TENM2: variants seen among roughly 807,000 people sequenced by gnomAD.
The protein encoded by TENM2 is teneurin transmembrane protein 2.
In TENM2, 52 loss-of-function variants were observed where a neutral mutation model predicts 245.2. The ratio of observed to expected loss-of-function variants is 0.21; its 90% CI spans 0.17 to 0.27. TENM2 has a LOEUF of 0.27. TENM2 is among the 10% of genes least tolerant of loss of function. TENM2 has a pLI of 1.00. For synonymous variants in TENM2, 1,363 were observed against 1,438.9 expected (o/e 0.95, Z 1.19); for missense variants, 3,046 against 3,666.8 (o/e 0.83, Z 4.37).
the TENM2 span, among the ~76,000 whole-genome samples, chr5:167,116,071 A>T: frequency 1.3e-5 from 2 of 152,218 alleles, no homozygotes; most frequent in South Asian, 4.1e-4. Flanking sequence ...TCTGCCTGGG[A>T]CAGAAAAGCC....
chr5:167,270,750 C>T, the TENM2 span, among the ~76,000 whole-genome samples: 16 of 152,076 alleles, frequency 1.1e-4, no homozygotes, highest in African/African-American at 2.7e-4. Context: ...CTAAGACTGC[C>T]GTTTTCTCTG....
At chr5:167,510,971 G>A (rs1227727611) in intron 2 of TENM2, among the ~76,000 whole-genome samples, 1 of 151,906 alleles carries the variant, frequency 6.6e-6, no homozygotes, top group Admixed American at 6.6e-5. Flanking sequence ...GAGAGAAATG[G>A]ATTTGGGGAA....
At chr5:167,623,924 A>T (rs1778339615) in intron 2 of TENM2, among the ~76,000 whole-genome samples, 1 of 152,176 alleles carries the variant, frequency 6.6e-6, no homozygotes, top group South Asian at 2.1e-4. Context: ...AAAATACCAG[A>T]TGATGATGGG....
At chr5:167,387,165 G>A (rs1761482466) in intron 2 of TENM2, among the ~76,000 whole-genome samples, 1 of 152,094 alleles carries the variant, frequency 6.6e-6, no homozygotes, top group Admixed American at 6.6e-5. Context: ...ATTTGTTTGT[G>A]TCGCCTATGA....
chr5:168,218,599 G>T lies in TENM2; in HGVS notation c.4708G>T (p.Val1570Phe). The stretch of plus-strand genomic sequence containing the variant: ...CCTTGGAAATATTCGGATCAGGGCG[G>T]TCAGCAAGAACAAGCCTGTTCTTAA... Residue 1570 changes from valine to phenylalanine, a missense_variant, in exon 23 of 29, where the codon GTC becomes TTC. Val to Phe is a conservative substitution (Grantham distance 50). Coordinates refer to ENST00000518659, the Ensembl canonical transcript of TENM2. The surrounding 1 kb of genome is among the most constrained non-coding windows in gnomAD (Gnocchi z 5.2). The T allele has an allele frequency of 6.2e-7, 1 of 1,613,998 alleles. No homozygotes were observed. Among genetic ancestry groups the T allele is most frequent in the South Asian group, 1.1e-5 (1 of 91,066 alleles).
At chr5:167,190,648 G>A in the TENM2 span, among the ~76,000 whole-genome samples, 326 of 152,106 alleles carry the variant, frequency 2.1e-3, 1 homozygote, top group Admixed American at 6.6e-3. Flanking sequence ...AGAAGAGAGA[G>A]CCAAGGAGCC....
intron 13 of TENM2, among the ~76,000 whole-genome samples, chr5:168,165,637 TCCCCCCCCCAA>T (rs1357737835): frequency 0.02 from 448 of 22,542 alleles, 19 homozygotes; most frequent in Admixed American, 0.046. Context: ...CAATTCAGGA[TCCCCCCCCCAA>T]CCCCCCCCCC....
intron 2 of TENM2, among the ~76,000 whole-genome samples, chr5:167,477,427 T>C (rs1301986871): frequency 6.0e-5 from 5 of 82,956 alleles, no homozygotes; most frequent in Admixed American, 5.7e-4. Context: ...CTCCAGGCCC[T>C]GTTGGCGGGT....
intron 7 of TENM2, among the ~76,000 whole-genome samples, chr5:168,067,689 G>T (rs1790630355): frequency 6.6e-6 from 1 of 152,102 alleles, no homozygotes; most frequent in Admixed American, 6.6e-5. Context: ...GTGTTCCTGG[G>T]ATGCTGGGGT....
At chr5:168,079,358 C>A (rs941796242) in intron 7 of TENM2, among the ~76,000 whole-genome samples, 5 of 152,258 alleles carry the variant, frequency 3.3e-5, no homozygotes, top group Non-Finnish European at 5.9e-5. Context: ...TCTAAATATA[C>A]AATCATGTCA....
At chr5:167,604,549 A>G (rs1273296612) in intron 2 of TENM2, among the ~76,000 whole-genome samples, 1 of 152,166 alleles carries the variant, frequency 6.6e-6, no homozygotes, top group African/African-American at 2.4e-5. Context: ...TTGTCTATAA[A>G]TAATTTCTTA....
chr5:167,909,815 A>T (rs1343937858), intron 3 of TENM2, among the ~76,000 whole-genome samples: 1 of 152,170 alleles, frequency 6.6e-6, no homozygotes, highest in Non-Finnish European at 1.5e-5. Context: ...GACTTATCTC[A>T]TGGATAAAAC....
chr5:167,139,686 A>G, the TENM2 span, among the ~76,000 whole-genome samples: 1 of 152,252 alleles, frequency 6.6e-6, no homozygotes, highest in Non-Finnish European at 1.5e-5. Flanking sequence ...ACAATGCTCT[A>G]TGCAATTCAT....
intron 2 of TENM2, among the ~76,000 whole-genome samples, chr5:167,445,344 G>GAA (rs1765127479): frequency 2.6e-5 from 3 of 117,188 alleles, no homozygotes; most frequent in Admixed American, 1.8e-4. Flanking sequence ...TATAGAGAGA[G>GAA]AGAGAGAGAG....
chr5:167,450,104 A>G (rs1765484980), intron 2 of TENM2, among the ~76,000 whole-genome samples: 1 of 152,186 alleles, frequency 6.6e-6, no homozygotes, highest in South Asian at 2.1e-4. Flanking sequence ...ATATCTTTAT[A>G]TTCTTTCCCC....
At chr5:167,420,963 G>A (rs543855607) in intron 2 of TENM2, among the ~76,000 whole-genome samples, 11 of 152,278 alleles carry the variant, frequency 7.2e-5, no homozygotes, top group East Asian at 1.9e-4. Flanking sequence ...TAGTAAAAAC[G>A]TGGACACATA....
At chr5:167,510,597 A>G (rs114553833) in intron 2 of TENM2, among the ~76,000 whole-genome samples, 1,819 of 152,124 alleles carry the variant, frequency 0.012, 36 homozygotes, top group African/African-American at 0.042. Flanking sequence ...GGAGAAAGAA[A>G]GAAGAAAAGG....
chr5:167,186,675 G>A, the TENM2 span, among the ~76,000 whole-genome samples: 1 of 152,198 alleles, frequency 6.6e-6, no homozygotes, highest in South Asian at 2.1e-4. Flanking sequence ...GTGGAGCACA[G>A]CAATGTGTCC....
chr5:167,808,238 T>C (rs1470760742), intron 2 of TENM2, among the ~76,000 whole-genome samples: 2 of 152,184 alleles, frequency 1.3e-5, no homozygotes, highest in Non-Finnish European at 2.9e-5. Flanking sequence ...ATAATTTATA[T>C]GACATGGAAC....
Sources: allele counts gnomAD v4.1 joint callset (sites outside exome capture counted in the v4.1 genomes callset), GRCh38; gene constraint gnomAD v4.1.1; non-coding constraint Gnocchi (gnomAD v3.1); transcripts MANE v1.5; gene names NCBI Gene and HGNC (gene_info 2026-07-23, HGNC 2026-07-21).